DLG2: variants seen among roughly 807,000 people sequenced by gnomAD.
DLG2 encodes discs large MAGUK scaffold protein 2.
A neutral mutation model predicts 132.5 loss-of-function variants in DLG2; 45 were observed. The ratio of observed to expected loss-of-function variants is 0.34; its 90% confidence interval spans 0.27 to 0.44. DLG2 has a LOEUF of 0.44. Among genes scored for constraint, DLG2 ranks in the 20% least tolerant of loss-of-function variants. The pLI is 1.00. For missense variants in DLG2, 1,045 were observed against 1,196.9 expected (o/e 0.87, Z 1.87); for synonymous variants, 424 against 419.6 (o/e 1.01, Z -0.13).
At chr11:85,221,941 C>CT (rs144785365) in intron 4 of DLG2, among the ~76,000 whole-genome samples, 68 of 146,746 alleles carry the variant, frequency 4.6e-4, no homozygotes, top group East Asian at 2.8e-3. Flanking sequence ...TTCTTTCTTT[C>CT]TTTTTTTTTT....
intron 8 of DLG2, among the ~76,000 whole-genome samples, chr11:84,184,364 T>C (rs1378668006): frequency 6.6e-6 from 1 of 152,184 alleles, no homozygotes; most frequent in African/African-American, 2.4e-5. Flanking sequence ...TTTGGCTGCA[T>C]AAATGTCTTC....
At chr11:83,741,502 T>C (rs1274747326) in intron 18 of DLG2, among the ~76,000 whole-genome samples, 2 of 152,074 alleles carry the variant, frequency 1.3e-5, no homozygotes, top group African/African-American at 2.4e-5. Flanking sequence ...CATTTCTATA[T>C]ACCAACAACA....
chr11:83,997,730 C>CAAAAAAAAAAAAAAAAAAAAAAAAAAAA (rs71066079), intron 11 of DLG2, among the ~76,000 whole-genome samples: 1 of 24,796 alleles, frequency 4.0e-5, no homozygotes, highest in Non-Finnish European at 6.9e-5. Flanking sequence ...GACTCCATCT[C>CAAAAAAAAAAAAAAAAAAAAAAAAAAAA]AAAAAAAAAA....
rs141915074 is a variant in DLG2, at chr11:83,687,367, G to A, written c.1826-54042C>T. 1.1e-3 allele frequency among the ~76,000 whole-genome samples: 165 copies of A among 152,232 alleles called. 1 individual carries two copies. Among genetic ancestry groups the A allele is most frequent in the South Asian group, 8.9e-3 (43 of 4,818 alleles). On this transcript the variant is annotated intron_variant, in intron 18 of 27. Coordinates refer to ENST00000376104, the MANE Select transcript of DLG2 (RefSeq NM_001142699.3). ...TTCACAGCTAGAAATTGGCAGGGCC[G>A]GGCTTTAAATCAAAATCTGTACCGC... is the stretch of plus-strand genomic sequence containing the variant.
intron 6 of DLG2, among the ~76,000 whole-genome samples, chr11:85,040,879 G>C (rs2061802787): frequency 1.3e-5 from 2 of 151,838 alleles, no homozygotes. Flanking sequence ...GTAGGAACTA[G>C]TATTATTCCT....
At chr11:84,570,070 CAA>C (rs1555048724) in intron 6 of DLG2, among the ~76,000 whole-genome samples, 1 of 151,798 alleles carries the variant, frequency 6.6e-6, no homozygotes, top group African/African-American at 2.4e-5. Context: ...AACTAATAAC[CAA>C]AAAAATAACT....
At chr11:84,870,199 TGA>T (rs1175867526) in intron 6 of DLG2, among the ~76,000 whole-genome samples, 2 of 152,208 alleles carry the variant, frequency 1.3e-5, no homozygotes, top group Non-Finnish European at 2.9e-5. Flanking sequence ...ATGCATAATA[TGA>T]GTGAATTACA....
Position 84,791,959 on chromosome 11 carries a change from C to T in DLG2, c.358-257228G>A, listed in dbSNP as rs777366768. 1.2e-4 allele frequency among the ~76,000 whole-genome samples: 18 copies of T among 152,156 alleles called. 1 individual carries two copies. The highest frequency in any genetic ancestry group is 8.3e-4 in the South Asian group (4 of 4,818). ...GTCTGATTGCTGTAGCTAAGGAGTT[C>T]CAGTACTATGCTGAATAACAGTGAT... On this transcript the variant is annotated intron_variant, in intron 6 of 27. Transcript: ENST00000376104.
chr11:84,459,849 T>G (rs948479403), intron 7 of DLG2, among the ~76,000 whole-genome samples: 2 of 150,680 alleles, frequency 1.3e-5, no homozygotes, highest in Non-Finnish European at 3.0e-5. Context: ...CTCCCTGAGA[T>G]GTACCTTATT....
intron 6 of DLG2, among the ~76,000 whole-genome samples, chr11:84,803,478 C>A (rs914438552): frequency 6.6e-6 from 1 of 152,050 alleles, no homozygotes; most frequent in Non-Finnish European, 1.5e-5. Flanking sequence ...GCCCTGAAAA[C>A]GCAGTAAGTT....
intron 18 of DLG2, among the ~76,000 whole-genome samples, chr11:83,761,441 T>C (rs916060947): frequency 1.3e-5 from 2 of 152,254 alleles, no homozygotes; most frequent in African/African-American, 4.8e-5. Context: ...GATGCCTTAA[T>C]TTACAATTAC....
chr11:84,034,718 T>A (rs1435828352), intron 11 of DLG2, among the ~76,000 whole-genome samples: 1 of 152,094 alleles, frequency 6.6e-6, no homozygotes, highest in African/African-American at 2.4e-5. Flanking sequence ...AGACAGCAAG[T>A]AGCCAGAGTG....
At chr11:84,037,812 G>A (rs1023066577) in intron 11 of DLG2, among the ~76,000 whole-genome samples, 1 of 151,938 alleles carries the variant, frequency 6.6e-6, no homozygotes, top group African/African-American at 2.4e-5. Flanking sequence ...TTTCATACAT[G>A]TTGATGTTAA....
At chr11:84,642,303 T>G (rs547003453) in intron 6 of DLG2, among the ~76,000 whole-genome samples, 1 of 151,856 alleles carries the variant, frequency 6.6e-6, no homozygotes, top group African/African-American at 2.4e-5. Flanking sequence ...ATAATACTTA[T>G]AGTAAACTAA....
chr11:85,542,202 T>C (rs1297264663), intron 3 of DLG2, among the ~76,000 whole-genome samples: 1 of 152,176 alleles, frequency 6.6e-6, no homozygotes, highest in Non-Finnish European at 1.5e-5. Context: ...TTCAGGTAAC[T>C]TCAATGAGAT....
intron 14 of DLG2, among the ~76,000 whole-genome samples, chr11:83,962,053 GAA>G (rs1462990118): frequency 2.0e-5 from 3 of 152,026 alleles, no homozygotes; most frequent in African/African-American, 7.2e-5. Context: ...CTCTCCGGCA[GAA>G]AGTCTCTACT....
chr11:84,975,567 A>G (rs541055477), intron 6 of DLG2, among the ~76,000 whole-genome samples: 1 of 152,306 alleles, frequency 6.6e-6, no homozygotes, highest in African/African-American at 2.4e-5. Flanking sequence ...GACATTTTTG[A>G]GTTGCCACAT....
At chr11:84,244,817 C>T (rs1416416048) in intron 8 of DLG2, among the ~76,000 whole-genome samples, 1 of 152,302 alleles carries the variant, frequency 6.6e-6, no homozygotes, top group East Asian at 1.9e-4. Context: ...AAATATCATA[C>T]CATTATTAAT....
At chr11:83,470,802 A>C (rs1188834728) in intron 24 of DLG2, among the ~76,000 whole-genome samples, 6 of 152,200 alleles carry the variant, frequency 3.9e-5, no homozygotes, top group African/African-American at 1.4e-4. Context: ...TGTTAGAGAC[A>C]CTTGAAAGCA....
Sources: allele counts gnomAD v4.1 joint callset (sites outside exome capture counted in the v4.1 genomes callset), GRCh38; gene constraint gnomAD v4.1.1; transcripts MANE v1.5; gene names NCBI Gene and HGNC (gene_info 2026-07-23, HGNC 2026-07-21).